The following ZMAT1 variants were observed in gnomAD, a reference collection of about 807,000 sequenced individuals.
ZMAT1 encodes zinc finger matrin-type 1, also known as zinc finger matrin-type protein 1.
Under a neutral mutation model 18.5 loss-of-function variants are expected in ZMAT1, and 11 were observed. That is an observed-to-expected ratio of 0.59 (90% CI 0.37 to 0.98). ZMAT1 has a LOEUF of 0.98. ZMAT1 is among the 50% of genes least tolerant of loss of function. The pLI, the probability that ZMAT1 is intolerant of heterozygous loss-of-function variation, is 0.01. For missense variants in ZMAT1, 525 were observed against 496.2 expected (o/e 1.06, Z -0.55); for synonymous variants, 211 against 176.4 (o/e 1.20, Z -1.55).
intron 4 of ZMAT1, chrX:101,895,685 C>T (rs1167972017): frequency 1.4e-5 from 2 of 145,617 alleles, no homozygotes; most frequent in Admixed American, 9.8e-5. Context: ...TTTTTTTTCC[C>T]AACATAATGT....
intron 4 of ZMAT1, 45 bp downstream of exon 4, chrX:101,897,823 T>C (rs776083570): frequency 8.8e-7 from 1 of 1,137,581 alleles, no homozygotes; most frequent in African/African-American, 1.8e-5. Flanking sequence ...CAAAACATGA[T>C]AGGTAGATCC....
intron 1 of ZMAT1, chrX:101,918,629 T>C (rs1389928916): frequency 2.8e-5 from 3 of 106,797 alleles, no homozygotes; most frequent in African/African-American, 1.1e-4. Context: ...AGAGCAAGAC[T>C]CCATCTCAAA....
At chrX:101,930,971 G>A (rs1297264523) in intron 1 of ZMAT1, among the ~76,000 whole-genome samples, 2 of 111,802 alleles carry the variant, frequency 1.8e-5, no homozygotes, top group Non-Finnish European at 3.8e-5. Context: ...CTTAAAGATG[G>A]ACCTGTAAAT....
chrX:101,894,576 G>A (rs1927665088), intron 4 of ZMAT1: 2 of 561,130 alleles, frequency 3.6e-6, no homozygotes, highest in Non-Finnish European at 4.3e-6. Flanking sequence ...TAAGCATACA[G>A]ATGAGAAATG....
At chrX:101,919,455 G>C (rs1275902013) in intron 1 of ZMAT1, among the ~76,000 whole-genome samples, 2 of 111,961 alleles carry the variant, frequency 1.8e-5, no homozygotes, top group Admixed American at 1.9e-4. Flanking sequence ...ACTTAACTTT[G>C]CATTATCTTG....
chrX:101,910,203 C>T (rs1429428953), intron 1 of ZMAT1, among the ~76,000 whole-genome samples: 1 of 112,727 alleles, frequency 8.9e-6, no homozygotes. Context: ...TCTGCGAGAA[C>T]CACAGTGTTA....
chrX:101,912,218 G>A, intron 1 of ZMAT1: 4 of 398,228 alleles, frequency 1.0e-5, no homozygotes, highest in Non-Finnish European at 1.7e-5. Flanking sequence ...CCCTCAGAGA[G>A]TTCACACTGA....
rs140421354 is a variant in ZMAT1, at chrX:101,898,164, A to C, written c.456T>G (p.Asn152Lys). The C allele has an allele frequency of 2.5e-6, 3 of 1,209,745 alleles. No homozygotes were observed. In the African/African-American group the frequency reaches 5.2e-5, roughly 21 times the overall value. ...TCTTCATTTTCTTACCAGGCACTTC[A>C]TTTTGTTCCCCATGCATTTGAAAAT... ...SFYFQMHGEQ[N>K]EVPGKKMKMH... Residue 152 changes from asparagine to lysine, a missense_variant, in exon 3 of 6, where the codon AAT (asparagine) becomes AAG (lysine). Physicochemically the swap from Asn to Lys is moderately conservative, Grantham distance 94. Coordinates refer to ENST00000651725, the MANE Select transcript of ZMAT1 (RefSeq NM_001394560.1).
intron 1 of ZMAT1, among the ~76,000 whole-genome samples, chrX:101,911,144 GA>G (rs1241497300): frequency 9.1e-6 from 1 of 109,721 alleles, no homozygotes; most frequent in East Asian, 2.9e-4. Flanking sequence ...AAATGCTAAA[GA>G]AAAAAAAAGC....
rs190204251 is a variant in ZMAT1 at position 101,884,033 on chromosome X, T to A, written c.1565A>T (p.Gln522Leu). The change falls in exon 6 of 6, where the codon CAG becomes CTG. Residue 522 changes from glutamine (Q) to leucine (L), a missense_variant. Physicochemically the swap from Gln to Leu is moderately radical, Grantham distance 113. Coordinates refer to ENST00000651725, the MANE Select transcript of ZMAT1 (RefSeq NM_001394560.1). ...ATGAGCTGGTAAGCAATGAGGTAAC[T>A]GGTTTTCCACTACTTGTGAAATACT... ...PYSISQVVEN[Q>L]LPHCLPAHDS... The A allele has an allele frequency of 3.3e-6, 4 of 1,208,895 alleles. No individual in the cohort carries two copies. In the Admixed American group the frequency reaches 6.6e-5, roughly 20 times the overall value.
At chrX:101,916,846 T>C (rs1007516561) in intron 1 of ZMAT1, among the ~76,000 whole-genome samples, 2 of 111,530 alleles carry the variant, frequency 1.8e-5, no homozygotes, top group Non-Finnish European at 3.8e-5. Context: ...AGCAGACACA[T>C]AGACCAATGG....
At chrX:101,902,217 G>C (rs944806849) in intron 2 of ZMAT1, among the ~76,000 whole-genome samples, 5 of 111,688 alleles carry the variant, frequency 4.5e-5, no homozygotes, top group Non-Finnish European at 9.4e-5. Flanking sequence ...TGCATGTCCT[G>C]TGTGATCACT....
chrX:101,910,017 G>A (rs1303569851), intron 1 of ZMAT1, among the ~76,000 whole-genome samples: 1 of 112,603 alleles, frequency 8.9e-6, no homozygotes, highest in Non-Finnish European at 1.9e-5. Flanking sequence ...TAGTCACAGT[G>A]GTGGTGGCCA....
intron 4 of ZMAT1, among the ~76,000 whole-genome samples, chrX:101,891,355 G>A (rs1249420637): frequency 9.0e-6 from 1 of 111,717 alleles, no homozygotes; most frequent in Admixed American, 9.5e-5. Context: ...TCAGATGTAT[G>A]TGTTGTTTTA....
chrX:101,922,019 TAATA>T (rs1048886466), intron 1 of ZMAT1, among the ~76,000 whole-genome samples: 2 of 110,804 alleles, frequency 1.8e-5, no homozygotes, highest in African/African-American at 6.6e-5. Flanking sequence ...CAAACAGATC[TAATA>T]TATACTTATA....
intron 4 of ZMAT1, chrX:101,887,258 G>A: frequency 1.3e-6 from 1 of 754,101 alleles, no homozygotes; most frequent in Non-Finnish European, 1.6e-6. Context: ...AGAAAGGAGA[G>A]AGGTTCAGTG....
chrX:101,919,169 T>A (rs764542768), intron 1 of ZMAT1, among the ~76,000 whole-genome samples: 1 of 111,845 alleles, frequency 8.9e-6, no homozygotes, highest in Admixed American at 9.5e-5. Flanking sequence ...CACTACCTAG[T>A]TCAGGCCCTC....
chrX:101,894,401 G>A (rs1449140314), intron 4 of ZMAT1: 2 of 745,275 alleles, frequency 2.7e-6, no homozygotes, highest in African/African-American at 4.7e-5. Flanking sequence ...ACAGCTTGGT[G>A]CTTCATTAAA....
intron 1 of ZMAT1, among the ~76,000 whole-genome samples, chrX:101,922,443 G>C (rs1313593230): frequency 9.2e-6 from 1 of 108,755 alleles, no homozygotes; most frequent in East Asian, 2.9e-4. Context: ...ATCCAGGCTG[G>C]AGTGCAGTGG....
Sources: gnomAD v4.1 joint callset for allele counts (sites outside exome capture counted in the v4.1 genomes callset) on GRCh38, gnomAD v4.1.1 for gene constraint, MANE v1.5 for transcripts, NCBI Gene and HGNC (gene_info 2026-07-23, HGNC 2026-07-21) for gene names.